The following SLC22A3 variants were observed in gnomAD, a reference collection of about 807,000 sequenced individuals.
SLC22A3 encodes EMT organic cation transporter 3.
In SLC22A3, 51 loss-of-function variants were observed where a neutral mutation model predicts 59.1. That is an observed-to-expected ratio of 0.86 (90% confidence interval 0.69 to 1.09). The LOEUF is 1.09. Among genes scored for constraint, SLC22A3 ranks in the 50% least tolerant of loss-of-function variants. SLC22A3 has a pLI of 0.00. For missense variants in SLC22A3, 711 were observed against 726.3 expected (o/e 0.98, Z 0.24); for synonymous variants, 325 against 292.0 (o/e 1.11, Z -1.15).
intron 2 of SLC22A3, among the ~76,000 whole-genome samples, chr6:160,402,615 C>A (rs1786829864): frequency 6.6e-6 from 1 of 151,758 alleles, no homozygotes; most frequent in Non-Finnish European, 1.5e-5. Flanking sequence ...GAAATATTCA[C>A]ATGCAATATT....
chr6:160,392,299 T>C (rs1315661282), intron 1 of SLC22A3, among the ~76,000 whole-genome samples: 1 of 152,228 alleles, frequency 6.6e-6, no homozygotes, highest in African/African-American at 2.4e-5. Context: ...ATCCAGCTCA[T>C]TGTGGGACCT....
intron 5 of SLC22A3, among the ~76,000 whole-genome samples, chr6:160,411,070 A>G (rs544356104): frequency 6.6e-6 from 1 of 152,230 alleles, no homozygotes; most frequent in East Asian, 1.9e-4. Flanking sequence ...GAAAAATCAT[A>G]GGACATATTA....
chr6:160,367,100 A>AATAAAG (rs1339727165), intron 1 of SLC22A3, among the ~76,000 whole-genome samples: 1 of 152,206 alleles, frequency 6.6e-6, no homozygotes, highest in Admixed American at 6.5e-5. Flanking sequence ...TTATGCTGCT[A>AATAAAG]ATAAAGATAT....
intron 5 of SLC22A3, among the ~76,000 whole-genome samples, chr6:160,413,498 G>A (rs1445699789): frequency 2.0e-5 from 3 of 152,172 alleles, no homozygotes; most frequent in African/African-American, 7.2e-5. Context: ...ACTCTGCCTA[G>A]TTTCCCTATC....
intron 1 of SLC22A3, among the ~76,000 whole-genome samples, chr6:160,377,802 A>G (rs1019624467): frequency 6.6e-6 from 1 of 152,242 alleles, no homozygotes; most frequent in Non-Finnish European, 1.5e-5. Context: ...CCCTCTGCAG[A>G]GGCTGCTAAG....
Position 160,437,012 on chromosome 6 carries a change from G to C in SLC22A3, c.1089G>C (p.Val363=). 6.2e-7 allele frequency: 1 copy of C among 1,614,114 alleles called. No individual in the cohort carries two copies. The highest frequency in any genetic ancestry group is 8.5e-7 in the Non-Finnish European group (1 of 1,179,988). Residue 363 remains valine (V), a synonymous_variant, in exon 7 of 11, where the codon GTG becomes GTC. Coordinates refer to ENST00000275300, the MANE Select transcript of SLC22A3 (RefSeq NM_021977.4). ...ILMFAWFTSA[V]VYQGLVMRLG... is the part of the protein sequence containing the mutation. ...GTTGCTACAGGTTCACAAGCGCAGT[G>C]GTGTATCAAGGACTTGTCATGCGCC...
At position 160,440,580 on chromosome 6, in the gene SLC22A3, C is replaced by T. The variant is rs572820049; in HGVS notation, c.1289-2181C>T. 6.6e-5 allele frequency among the ~76,000 whole-genome samples: 10 copies of T among 152,272 alleles called. No homozygotes were observed. The East Asian group carries it at 1.9e-3, about 29-fold the overall frequency. ...TTTCAGTACTCATTTTTAAATTGCC[C>T]TGTGGTTTTTGTCATTGCTACCAAA... On this transcript the variant is annotated intron_variant, in intron 7 of 10. Coordinates refer to ENST00000275300, the MANE Select transcript of SLC22A3 (RefSeq NM_021977.4).
At chr6:160,400,759 A>C (rs1786739592) in intron 2 of SLC22A3, among the ~76,000 whole-genome samples, 1 of 152,096 alleles carries the variant, frequency 6.6e-6, no homozygotes, top group Non-Finnish European at 1.5e-5. Context: ...AGAATGTAAA[A>C]CAACTATGCC....
intron 7 of SLC22A3, 108 bp downstream of exon 7, chr6:160,437,319 A>C: frequency 8.8e-7 from 1 of 1,139,298 alleles, no homozygotes; most frequent in Non-Finnish European, 1.3e-6. Context: ...ATGGAATCAC[A>C]GTCTTTCGTG....
intron 5 of SLC22A3, among the ~76,000 whole-genome samples, chr6:160,433,724 A>T (rs1032450010): frequency 5.9e-5 from 9 of 152,218 alleles, no homozygotes; most frequent in Admixed American, 2.0e-4. Flanking sequence ...ATTTTTTTAA[A>T]TTTTTTTAAA....
intron 10 of SLC22A3, among the ~76,000 whole-genome samples, chr6:160,450,183 C>G (rs546008146): frequency 6.6e-6 from 1 of 152,076 alleles, no homozygotes; most frequent in Admixed American, 6.6e-5. Context: ...TATTTCAGTC[C>G]TTATCTCAAC....
chr6:160,403,820 A>G (rs1786892026), intron 2 of SLC22A3, among the ~76,000 whole-genome samples: 1 of 152,030 alleles, frequency 6.6e-6, no homozygotes, highest in African/African-American at 2.4e-5. Context: ...AAATGACATG[A>G]TCATATCAAT....
chr6:160,386,130 C>T (rs1467248732), intron 1 of SLC22A3, among the ~76,000 whole-genome samples: 1 of 152,218 alleles, frequency 6.6e-6, no homozygotes, highest in Non-Finnish European at 1.5e-5. Flanking sequence ...GCACGGGCAC[C>T]TTCTGCCTGT....
At chr6:160,423,035 A>T (rs1056913210) in intron 5 of SLC22A3, among the ~76,000 whole-genome samples, 28 of 151,912 alleles carry the variant, frequency 1.8e-4, no homozygotes, top group African/African-American at 6.5e-4. Context: ...CCTGTGTCCA[A>T]GTGTTCTCAT....
At chr6:160,425,179 T>C (rs993247907) in intron 5 of SLC22A3, among the ~76,000 whole-genome samples, 1 of 152,200 alleles carries the variant, frequency 6.6e-6, no homozygotes, top group Non-Finnish European at 1.5e-5. Context: ...AACCTCTAAA[T>C]TTAAACAGGT....
At chr6:160,433,836 G>T (rs1425173352) in intron 5 of SLC22A3, among the ~76,000 whole-genome samples, 1 of 152,184 alleles carries the variant, frequency 6.6e-6, no homozygotes, top group Non-Finnish European at 1.5e-5. Flanking sequence ...GAGTGAGAGT[G>T]AATTTGTTCA....
intron 5 of SLC22A3, among the ~76,000 whole-genome samples, chr6:160,414,365 T>C (rs1787381570): frequency 1.3e-5 from 2 of 152,222 alleles, no homozygotes; most frequent in African/African-American, 4.8e-5. Flanking sequence ...ATATAGCTCA[T>C]ATAGGGAAGA....
At position 160,443,711 on chromosome 6, in the gene SLC22A3, C is replaced by A; in HGVS notation, c.1479C>A (p.Ala493=). The change falls in exon 9 of 11, where the codon GCC becomes GCA. Residue 493 remains alanine, a synonymous_variant. Transcript: ENST00000275300. ...IAPFLLFRLA[A]VWLELPLIIF... ...CATTTCTGCTCTTTCGGCTAGCAGC[C>A]GTGTGGCTAGAACTACCTCTGATCA... is the stretch of plus-strand genomic sequence containing the variant. The A allele has an allele frequency of 1.2e-6, 2 of 1,613,324 alleles. No individual in the cohort carries two copies. The highest frequency in any genetic ancestry group is 1.7e-6 in the Non-Finnish European group (2 of 1,179,542).
chr6:160,355,536 C>A (rs1022149989), intron 1 of SLC22A3, among the ~76,000 whole-genome samples: 11 of 151,570 alleles, frequency 7.3e-5, no homozygotes, highest in African/African-American at 2.2e-4. Context: ...CCAAGGTGGG[C>A]AGATCACGAG....
Sources: allele counts gnomAD v4.1 joint callset (sites outside exome capture counted in the v4.1 genomes callset), GRCh38; gene constraint gnomAD v4.1.1; transcripts MANE v1.5; gene names NCBI Gene and HGNC (gene_info 2026-07-23, HGNC 2026-07-21).